EHBP1: variants seen among roughly 807,000 people sequenced by gnomAD.
EHBP1 encodes the protein EH domain-binding protein 1.
EHBP1 carries 55 observed loss-of-function variants against 144.0 expected under a neutral mutation model. The ratio of observed to expected loss-of-function variants is 0.38; its 90% CI spans 0.31 to 0.48. EHBP1 has a LOEUF of 0.48. Among genes scored for constraint, EHBP1 ranks in the 20% least tolerant of loss-of-function variants. The probability of loss-of-function intolerance (pLI) is 0.98; values close to 1 mark genes in which losing one functional copy is unlikely to be tolerated. For synonymous variants in EHBP1, 469 were observed against 472.7 expected (o/e 0.99, Z 0.10); for missense variants, 1,200 against 1,364.2 (o/e 0.88, Z 1.90).
At chr2:62,743,682 A>G (rs950114861) in intron 2 of EHBP1, among the ~76,000 whole-genome samples, 4 of 152,140 alleles carry the variant, frequency 2.6e-5, no homozygotes, top group African/African-American at 9.7e-5. Context: ...AAAAGAGTAA[A>G]GGAGTTAAAA....
At chr2:62,741,163 G>C (rs766105139) in intron 2 of EHBP1, among the ~76,000 whole-genome samples, 2 of 151,972 alleles carry the variant, frequency 1.3e-5, no homozygotes, top group Non-Finnish European at 2.9e-5. Flanking sequence ...GATAGTGTGG[G>C]GAAATATACT....
At chr2:62,764,430 G>T (rs2041012757) in intron 4 of EHBP1, 69 bp downstream of exon 4, 2 of 1,236,708 alleles carry the variant, frequency 1.6e-6, no homozygotes, top group South Asian at 3.3e-5. Context: ...GAATATTTCA[G>T]TGTTCATTGT....
At chr2:62,800,525 T>C (rs756155063) in intron 5 of EHBP1, among the ~76,000 whole-genome samples, 5 of 152,212 alleles carry the variant, frequency 3.3e-5, no homozygotes, top group Admixed American at 1.3e-4. Context: ...ATACTGGCAG[T>C]TGTCTGGAGA....
chr2:62,899,665 A>G (rs2053237122), intron 10 of EHBP1, among the ~76,000 whole-genome samples: 1 of 152,214 alleles, frequency 6.6e-6, no homozygotes, highest in Admixed American at 6.5e-5. Flanking sequence ...AGGCCATCTG[A>G]AAGTTTCAAC....
intron 10 of EHBP1, among the ~76,000 whole-genome samples, chr2:62,903,215 A>G (rs2053548345): frequency 6.6e-6 from 1 of 152,242 alleles, no homozygotes; most frequent in African/African-American, 2.4e-5. Context: ...TATTCACTTT[A>G]TTAAAATTAC....
intron 5 of EHBP1, among the ~76,000 whole-genome samples, chr2:62,795,795 CT>C (rs916786535): frequency 6.6e-6 from 1 of 151,980 alleles, no homozygotes; most frequent in Non-Finnish European, 1.5e-5. Flanking sequence ...AATTTTCCCC[CT>C]GTGGGTCAGT....
chr2:62,693,956 T>G (rs2033995207), intron 1 of EHBP1, among the ~76,000 whole-genome samples: 1 of 152,210 alleles, frequency 6.6e-6, no homozygotes, highest in Non-Finnish European at 1.5e-5. Flanking sequence ...GTTTTTTTCT[T>G]TTGTTGCTCT....
At chr2:62,965,142 A>T (rs932462230) in intron 14 of EHBP1, 2 of 152,452 alleles carry the variant, frequency 1.3e-5, no homozygotes, top group Non-Finnish European at 2.9e-5. Flanking sequence ...GTGACTTTAT[A>T]CTTGAGTGTT....
intron 19 of EHBP1, among the ~76,000 whole-genome samples, chr2:63,027,947 G>A (rs374886921): frequency 6.6e-6 from 1 of 152,110 alleles, no homozygotes; most frequent in South Asian, 2.1e-4. Context: ...TTGTTTTTCA[G>A]TGACAGGATC....
At chr2:62,725,053 G>A (rs1233807911) in intron 2 of EHBP1, among the ~76,000 whole-genome samples, 3 of 152,154 alleles carry the variant, frequency 2.0e-5, no homozygotes, top group Non-Finnish European at 4.4e-5. Flanking sequence ...AAGATTTTAG[G>A]GGGCCAGTGC....
chr2:63,039,112 T>C (rs931727221), intron 21 of EHBP1, among the ~76,000 whole-genome samples: 8 of 152,218 alleles, frequency 5.3e-5, no homozygotes, highest in African/African-American at 1.9e-4. Flanking sequence ...TAATTACATT[T>C]TACTTAAGTG....
intron 2 of EHBP1, among the ~76,000 whole-genome samples, chr2:62,731,264 G>A (rs2037569078): frequency 6.6e-6 from 1 of 151,994 alleles, no homozygotes; most frequent in African/African-American, 2.4e-5. Flanking sequence ...TATTAACCTT[G>A]TATCCTGCAA....
At chr2:62,899,785 A>T (rs189417405) in intron 10 of EHBP1, among the ~76,000 whole-genome samples, 1 of 152,352 alleles carries the variant, frequency 6.6e-6, no homozygotes, top group African/African-American at 2.4e-5. Context: ...AAAGACGTCT[A>T]TCTGCTGACC....
At chr2:63,022,252 G>A (rs914634089) in intron 19 of EHBP1, among the ~76,000 whole-genome samples, 1 of 151,978 alleles carries the variant, frequency 6.6e-6, no homozygotes, top group Non-Finnish European at 1.5e-5. Flanking sequence ...CTATTGTGGA[G>A]ACATTGCCAG....
intron 5 of EHBP1, among the ~76,000 whole-genome samples, chr2:62,818,183 G>T (rs1030901873): frequency 2.4e-5 from 3 of 125,866 alleles, no homozygotes; most frequent in Non-Finnish European, 5.0e-5. Context: ...TGAGTGAGTG[G>T]TGAGTGTACA....
rs1451759672 is a variant in EHBP1, at chr2:62,922,269, G to A, written c.1186-20449G>A. Among the ~76,000 whole-genome samples the A allele has an allele frequency of 2.0e-5, 3 of 152,186 alleles. 1 individual carries two copies. The highest frequency in any genetic ancestry group is 7.2e-5 in the African/African-American group (3 of 41,462). ...GTTGAGTAAGCTGAGGACAAAGAAG[G>A]GTTGGTCTTGCTGTCTTGGGGTGGC... On this transcript the variant is annotated intron_variant, in intron 10 of 22. Coordinates refer to ENST00000431489, the MANE Select transcript of EHBP1 (RefSeq NM_001142616.3).
intron 5 of EHBP1, among the ~76,000 whole-genome samples, chr2:62,798,558 C>A (rs1056318531): frequency 6.6e-6 from 1 of 152,198 alleles, no homozygotes; most frequent in Non-Finnish European, 1.5e-5. Flanking sequence ...CCTCAATTTA[C>A]GTATCTATAA....
chr2:62,846,323 A>G lies in EHBP1; in HGVS notation c.635-12846A>G, dbSNP rs550768394. Among the ~76,000 whole-genome samples, 14 of 152,318 alleles carry G rather than the reference A, an allele frequency of 9.2e-5. No individual in the cohort carries two copies. In the East Asian group the frequency reaches 1.2e-3, roughly 13 times the overall value. On this transcript the variant is annotated intron_variant, in intron 7 of 22. Coordinates refer to ENST00000431489, the MANE Select transcript of EHBP1 (RefSeq NM_001142616.3). ...AGGAGCCAGAAGGCAATTAATATTCAAAGTACCTATATGAGTTCACTAAGG... is the reference window on the plus strand; with the variant it reads ...AGGAGCCAGAAGGCAATTAATATTCGAAGTACCTATATGAGTTCACTAAGG...
intron 19 of EHBP1, among the ~76,000 whole-genome samples, chr2:63,012,338 A>G (rs2060302154): frequency 6.6e-6 from 1 of 152,120 alleles, no homozygotes; most frequent in Non-Finnish European, 1.5e-5. Flanking sequence ...TTCATATACT[A>G]TATCTCACTC....
Sources: allele counts gnomAD v4.1 joint callset (sites outside exome capture counted in the v4.1 genomes callset), GRCh38; gene constraint gnomAD v4.1.1; transcripts MANE v1.5; gene names NCBI Gene and HGNC (gene_info 2026-07-23, HGNC 2026-07-21).